Variants in ROBO2 observed in about 807,000 individuals in gnomAD.
The protein encoded by ROBO2 is roundabout homolog 2.
Under a neutral mutation model 160.8 loss-of-function variants are expected in ROBO2, and 53 were observed. That is an observed-to-expected ratio of 0.33 (90% CI 0.26 to 0.41). ROBO2 has a LOEUF of 0.41. Ranked by LOEUF, ROBO2 falls within the 10% of genes least tolerant of loss-of-function variation. The pLI is 1.00. For missense variants in ROBO2, 1,577 were observed against 1,722.4 expected (o/e 0.92, Z 1.49); for synonymous variants, 664 against 611.7 (o/e 1.09, Z -1.26).
At chr3:77,024,175 G>A (rs2062808095) in intron 2 of ROBO2, among the ~76,000 whole-genome samples, 1 of 152,138 alleles carries the variant, frequency 6.6e-6, no homozygotes, top group Admixed American at 6.5e-5. Context: ...ATTATCGATT[G>A]CCTGATTTAA....
At chr3:76,406,617 CAT>C (rs1447675589) in intron 2 of ROBO2, among the ~76,000 whole-genome samples, 2 of 151,594 alleles carry the variant, frequency 1.3e-5, no homozygotes, top group Non-Finnish European at 2.9e-5. Context: ...ATGATTCACT[CAT>C]AGTCACACAA....
chr3:76,449,542 G>A (rs1036747744), intron 2 of ROBO2, among the ~76,000 whole-genome samples: 2 of 152,132 alleles, frequency 1.3e-5, no homozygotes, highest in African/African-American at 4.8e-5. Context: ...TTTAACTGGA[G>A]TTTGAAGGAT....
intron 2 of ROBO2, among the ~76,000 whole-genome samples, chr3:77,397,574 G>T (rs572907612): frequency 6.6e-6 from 1 of 152,228 alleles, no homozygotes; most frequent in African/African-American, 2.4e-5. Flanking sequence ...GAAACCTCTT[G>T]ATGCCCTCCT....
intron 2 of ROBO2, among the ~76,000 whole-genome samples, chr3:77,016,250 C>A (rs1259908602): frequency 6.6e-6 from 1 of 152,198 alleles, no homozygotes; most frequent in Non-Finnish European, 1.5e-5. Flanking sequence ...GCTGGGATTA[C>A]AGGCATGAGC....
chr3:77,627,290 T>A (rs9845122), intron 23 of ROBO2, among the ~76,000 whole-genome samples: 1 of 152,150 alleles, frequency 6.6e-6, no homozygotes, highest in Non-Finnish European at 1.5e-5. Flanking sequence ...TTCTTTCTTT[T>A]TTTTTCTGAG....
intron 2 of ROBO2, among the ~76,000 whole-genome samples, chr3:77,204,534 TAA>T (rs1042942753): frequency 1.3e-5 from 2 of 152,202 alleles, no homozygotes; most frequent in Admixed American, 6.5e-5. Context: ...TTTATAATTT[TAA>T]AAATCTATAT....
chr3:76,875,541 G>A (rs2072618759), intron 2 of ROBO2, among the ~76,000 whole-genome samples: 1 of 152,156 alleles, frequency 6.6e-6, no homozygotes, highest in Non-Finnish European at 1.5e-5. Flanking sequence ...TGGAGATCCT[G>A]ACTGGATCTA....
chr3:77,628,541 A>C (rs1401878732), intron 23 of ROBO2, among the ~76,000 whole-genome samples: 4 of 152,164 alleles, frequency 2.6e-5, no homozygotes, highest in African/African-American at 9.7e-5. Flanking sequence ...ACTAGACGTA[A>C]AATCAGTAGA....
Position 76,303,946 on chromosome 3 carries a change from C to T in ROBO2, c.109+366344C>T, listed in dbSNP as rs1334854395. ...TATCAGAGGAATTCAGAGATGTTCA[C>T]TCTGTAGAAATCACTGGCAAAGGAA... is the stretch of plus-strand genomic sequence containing the variant. On this transcript the variant is annotated intron_variant, in intron 2 of 26. Transcript: ENST00000487694. 2.0e-5 allele frequency among the ~76,000 whole-genome samples: 3 copies of T among 152,264 alleles called. No individual in the cohort carries two copies. The East Asian group carries it at 5.8e-4, about 29-fold the overall frequency.
intron 2 of ROBO2, among the ~76,000 whole-genome samples, chr3:76,487,463 AT>A (rs1366026176): frequency 4.6e-5 from 7 of 152,194 alleles, no homozygotes; most frequent in Non-Finnish European, 1.0e-4. Context: ...TAGATTTTCT[AT>A]TTCAACAATA....
intron 2 of ROBO2, among the ~76,000 whole-genome samples, chr3:76,290,279 T>C (rs2107700630): frequency 6.6e-6 from 1 of 152,276 alleles, no homozygotes; most frequent in East Asian, 1.9e-4. Context: ...TTCCTGGGTA[T>C]TTTATTCTTT....
chr3:77,161,235 T>C (rs2078461018), intron 2 of ROBO2, among the ~76,000 whole-genome samples: 1 of 152,198 alleles, frequency 6.6e-6, no homozygotes, highest in African/African-American at 2.4e-5. Flanking sequence ...GTGTTTGGAA[T>C]TGGATTTTTG....
intron 2 of ROBO2, among the ~76,000 whole-genome samples, chr3:77,322,096 C>G (rs1560529693): frequency 6.6e-6 from 1 of 152,084 alleles, no homozygotes; most frequent in Non-Finnish European, 1.5e-5. Flanking sequence ...CTGTTTTATA[C>G]CATAATAAAT....
At chr3:76,367,321 A>G (rs1196969602) in intron 2 of ROBO2, among the ~76,000 whole-genome samples, 8 of 152,048 alleles carry the variant, frequency 5.3e-5, no homozygotes, top group African/African-American at 1.9e-4. Context: ...TTATATACAC[A>G]AATTTTCATC....
intron 2 of ROBO2, among the ~76,000 whole-genome samples, chr3:76,780,007 T>C (rs1466439547): frequency 6.6e-6 from 1 of 150,990 alleles, no homozygotes; most frequent in African/African-American, 2.4e-5. Context: ...CAATTTTTGT[T>C]CCCACCAACA....
At chr3:76,518,224 T>G (rs1373119624) in intron 2 of ROBO2, among the ~76,000 whole-genome samples, 1 of 152,278 alleles carries the variant, frequency 6.6e-6, no homozygotes, top group African/African-American at 2.4e-5. Context: ...CAGTATGACC[T>G]GAAGGACCCA....
In ROBO2 at chr3:77,512,484, C is replaced by T. The variant is rs1448022855; in HGVS notation, c.807-10291C>T. 2.6e-5 allele frequency among the ~76,000 whole-genome samples: 4 copies of T among 151,946 alleles called. No homozygotes were observed. In the East Asian group the frequency reaches 7.8e-4, roughly 29 times the overall value. On this transcript the variant is annotated intron_variant, in intron 5 of 25. Transcript: ENST00000461745. ...TTTTAATGTAATTGAATAACACTGT[C>T]ACTAAGTTCTAGATGGATGTATCTC...
At chr3:76,748,301 T>C (rs1319206704) in intron 2 of ROBO2, among the ~76,000 whole-genome samples, 1 of 151,594 alleles carries the variant, frequency 6.6e-6, no homozygotes, top group African/African-American at 2.4e-5. Context: ...TGTATAAAAA[T>C]AAAGAAATCA....
intron 5 of ROBO2, among the ~76,000 whole-genome samples, chr3:77,497,502 A>G (rs1169299470): frequency 6.6e-6 from 1 of 152,138 alleles, no homozygotes; most frequent in East Asian, 1.9e-4. Context: ...AAGGTAAGTT[A>G]ACTGTTATCA....
Sources: allele counts gnomAD v4.1 joint callset (sites outside exome capture counted in the v4.1 genomes callset), GRCh38; gene constraint gnomAD v4.1.1; transcripts MANE v1.5; gene names NCBI Gene and HGNC (gene_info 2026-07-23, HGNC 2026-07-21).